Variants in RAB38 observed in about 807,000 individuals in gnomAD.
RAB38 encodes RAB38, member RAS oncogene family, also known as ras-related protein Rab-38.
RAB38 carries 15 observed loss-of-function variants against 18.4 expected under a neutral mutation model. That is an observed-to-expected ratio of 0.82 (90% CI 0.55 to 1.26). RAB38 has a LOEUF of 1.26. Ranked by LOEUF, RAB38 falls within the 50% of genes most tolerant of loss-of-function variation. RAB38 has a pLI of 0.00. For synonymous variants in RAB38, 101 were observed against 104.4 expected (o/e 0.97, Z 0.20); for missense variants, 294 against 267.4 (o/e 1.10, Z -0.69).
chr11:87,949,928 C>G, the RAB38 span, among the ~76,000 whole-genome samples: 1 of 152,290 alleles, frequency 6.6e-6, no homozygotes, highest in East Asian at 1.9e-4. Flanking sequence ...GAACTGAGTT[C>G]AATTCCTGGA....
the RAB38 span, among the ~76,000 whole-genome samples, chr11:87,917,795 G>A: frequency 6.6e-6 from 1 of 152,008 alleles, no homozygotes; most frequent in African/African-American, 2.4e-5. Flanking sequence ...AATTCACTGT[G>A]TGCAGAGAAG....
the RAB38 span, among the ~76,000 whole-genome samples, chr11:88,026,086 T>A: frequency 6.6e-6 from 1 of 152,044 alleles, no homozygotes. Context: ...TGCCTCAGCC[T>A]CCTGAGTAGC....
chr11:88,161,869 G>A (rs1490931609), intron 1 of RAB38, among the ~76,000 whole-genome samples: 1 of 152,052 alleles, frequency 6.6e-6, no homozygotes, highest in Non-Finnish European at 1.5e-5. Context: ...CTATCTAAAT[G>A]ATACATGTGT....
chr11:88,135,773 T>C (rs1942828573), intron 2 of RAB38, among the ~76,000 whole-genome samples: 1 of 152,214 alleles, frequency 6.6e-6, no homozygotes. Flanking sequence ...CCTTTTGCGA[T>C]GGTATTTAAA....
At chr11:88,069,193 G>A in the RAB38 span, among the ~76,000 whole-genome samples, 18 of 152,352 alleles carry the variant, frequency 1.2e-4, no homozygotes, top group East Asian at 2.9e-3. Flanking sequence ...TTAGCACCCG[G>A]GCCAGGAGGT....
the RAB38 span, among the ~76,000 whole-genome samples, chr11:87,905,554 T>G: frequency 6.6e-6 from 1 of 151,928 alleles, no homozygotes; most frequent in Non-Finnish European, 1.5e-5. Context: ...AGTCATTACA[T>G]TTGGACTAGA....
At chr11:87,805,520 T>C in the RAB38 span, among the ~76,000 whole-genome samples, 1 of 151,916 alleles carries the variant, frequency 6.6e-6, no homozygotes, top group African/African-American at 2.4e-5. Flanking sequence ...GGAGAAGATA[T>C]AATCTCTGCT....
the RAB38 span, among the ~76,000 whole-genome samples, chr11:88,108,060 T>C: frequency 6.6e-6 from 1 of 152,202 alleles, no homozygotes; most frequent in African/African-American, 2.4e-5. Context: ...AATTTTAGAA[T>C]AAGTGCAACG....
chr11:88,166,480 G>C (rs551485687), intron 1 of RAB38: 2 of 152,186 alleles, frequency 1.3e-5, no homozygotes, highest in South Asian at 4.2e-4. Flanking sequence ...AGCTCTGTGG[G>C]CCTGAGAAAC....
the RAB38 span, among the ~76,000 whole-genome samples, chr11:87,901,158 A>T: frequency 1.3e-5 from 2 of 151,714 alleles, no homozygotes; most frequent in South Asian, 2.1e-4. Flanking sequence ...GTCCTGGTGT[A>T]TGCCTCCTTT....
the RAB38 span, among the ~76,000 whole-genome samples, chr11:88,086,907 T>G: frequency 6.6e-6 from 1 of 151,866 alleles, no homozygotes; most frequent in Non-Finnish European, 1.5e-5. Context: ...TTCAATACAC[T>G]GTATCAATTA....
At chr11:88,006,025 A>G in the RAB38 span, among the ~76,000 whole-genome samples, 1 of 151,594 alleles carries the variant, frequency 6.6e-6, no homozygotes, top group East Asian at 1.9e-4. Flanking sequence ...ATATATTTGC[A>G]AACTATACAT....
the RAB38 span, among the ~76,000 whole-genome samples, chr11:88,025,396 G>A: frequency 1.3e-5 from 2 of 152,074 alleles, no homozygotes; most frequent in South Asian, 2.1e-4. Context: ...GGTATATACC[G>A]AGTAACGGGA....
chr11:87,957,187 G>C, the RAB38 span, among the ~76,000 whole-genome samples: 1 of 152,156 alleles, frequency 6.6e-6, no homozygotes, highest in Admixed American at 6.6e-5. Flanking sequence ...TCAGTTCCAA[G>C]ATTCATGTCA....
the RAB38 span, chr11:87,880,174 T>C: frequency 1.3e-5 from 2 of 151,976 alleles, no homozygotes; most frequent in African/African-American, 4.8e-5. Flanking sequence ...TTAAACCTAA[T>C]GTTGAAAGTG....
the RAB38 span, among the ~76,000 whole-genome samples, chr11:87,918,736 T>A: frequency 6.8e-6 from 1 of 147,886 alleles, no homozygotes; most frequent in Non-Finnish European, 1.5e-5. Flanking sequence ...GTTTTCTTTT[T>A]ATGAGTTAAG....
chr11:88,141,279 T>C (rs1256640815), intron 2 of RAB38, among the ~76,000 whole-genome samples: 5 of 152,126 alleles, frequency 3.3e-5, no homozygotes, highest in Non-Finnish European at 7.3e-5. Flanking sequence ...CATTTGGCAA[T>C]GTCTGGAGAT....
chr11:88,015,686 C>T, the RAB38 span, among the ~76,000 whole-genome samples: 1 of 152,082 alleles, frequency 6.6e-6, no homozygotes, highest in Non-Finnish European at 1.5e-5. Context: ...TTGACTCTGC[C>T]AGTAAAGACA....
chr11:88,074,501 A>G, the RAB38 span, among the ~76,000 whole-genome samples: 1 of 152,290 alleles, frequency 6.6e-6, no homozygotes. Context: ...CTATAACTGT[A>G]AGATCCTTTT....
Sources: gnomAD v4.1 joint callset for allele counts (sites outside exome capture counted in the v4.1 genomes callset) on GRCh38, gnomAD v4.1.1 for gene constraint, MANE v1.5 for transcripts, NCBI Gene and HGNC (gene_info 2026-07-23, HGNC 2026-07-21) for gene names.